Variants in LARP1 observed in about 807,000 individuals in gnomAD.
LARP1 encodes la-related protein 1.
LARP1 carries 36 observed loss-of-function variants against 122.7 expected under a neutral mutation model. That is an observed-to-expected ratio of 0.29 (90% CI 0.22 to 0.39). LARP1 has a LOEUF of 0.39. Among genes scored for constraint, LARP1 ranks in the 10% least tolerant of loss-of-function variants. The pLI is 1.00. For synonymous variants in LARP1, 539 were observed against 528.7 expected (o/e 1.02, Z -0.27); for missense variants, 1,040 against 1,403.6 (o/e 0.74, Z 4.14).
At chr5:154,779,189 G>A (rs1446714623) in intron 1 of LARP1, among the ~76,000 whole-genome samples, 4 of 152,050 alleles carry the variant, frequency 2.6e-5, no homozygotes, top group East Asian at 1.9e-4. Context: ...GAGAGGTTAA[G>A]TCTGACTCCT....
At chr5:154,756,275 C>G in intron 1 of LARP1, 82 bp downstream of exon 1, 1 of 1,037,644 alleles carries the variant, frequency 9.6e-7, no homozygotes, top group Non-Finnish European at 1.2e-6. Flanking sequence ...CCTCCAGGGC[C>G]CCGGGGTCTG....
intron 1 of LARP1, among the ~76,000 whole-genome samples, chr5:154,722,222 C>T (rs745372402): frequency 1.1e-4 from 17 of 152,176 alleles, no homozygotes; most frequent in East Asian, 1.9e-4. Flanking sequence ...TCAGCTTCCC[C>T]GCCCTCTCCC....
chr5:154,747,638 G>A (rs1194363076), intron 1 of LARP1, among the ~76,000 whole-genome samples: 3 of 150,820 alleles, frequency 2.0e-5, no homozygotes, highest in East Asian at 2.0e-4. Context: ...CGGAGGTTGC[G>A]GCAGTGAGCC....
chr5:154,723,453 G>T (rs1391699301), intron 1 of LARP1, among the ~76,000 whole-genome samples: 1 of 152,142 alleles, frequency 6.6e-6, no homozygotes, highest in East Asian at 1.9e-4. Context: ...GGACTGGGAT[G>T]GGGAAAGTTG....
intron 1 of LARP1, among the ~76,000 whole-genome samples, chr5:154,747,791 G>A (rs1753277814): frequency 6.6e-6 from 1 of 152,186 alleles, no homozygotes; most frequent in Non-Finnish European, 1.5e-5. Flanking sequence ...TTGAACCAGG[G>A]AGGCGGAGAC....
intron 1 of LARP1, among the ~76,000 whole-genome samples, chr5:154,777,617 T>G (rs1244360901): frequency 6.6e-6 from 1 of 152,182 alleles, no homozygotes; most frequent in Non-Finnish European, 1.5e-5. Context: ...CTTAAAATAT[T>G]TTTAAAGATT....
chr5:154,789,312 C>CG (rs1212510036), intron 1 of LARP1, among the ~76,000 whole-genome samples: 1 of 150,536 alleles, frequency 6.6e-6, no homozygotes, highest in East Asian at 2.0e-4. Flanking sequence ...CCCCGCCTCC[C>CG]GGGTTCAAGT....
chr5:154,690,771 G>C (rs1283634933), intron 1 of LARP1, among the ~76,000 whole-genome samples: 4 of 152,250 alleles, frequency 2.6e-5, no homozygotes, highest in Admixed American at 1.3e-4. Flanking sequence ...CGGGCGGGGG[G>C]GCTGTGCGAC....
chr5:154,745,881 C>G (rs181866710), intron 1 of LARP1, among the ~76,000 whole-genome samples: 1 of 152,070 alleles, frequency 6.6e-6, no homozygotes, highest in East Asian at 1.9e-4. Flanking sequence ...CTGCAACCTC[C>G]GAATCCCTGG....
At chr5:154,695,235 C>G (rs1383768011) in intron 1 of LARP1, among the ~76,000 whole-genome samples, 4 of 151,426 alleles carry the variant, frequency 2.6e-5, no homozygotes, top group African/African-American at 9.7e-5. Flanking sequence ...TGGCGTGAAC[C>G]TGGGAGGCGG....
intron 1 of LARP1, among the ~76,000 whole-genome samples, chr5:154,762,759 CCA>C (rs1754564494): frequency 1.3e-5 from 2 of 152,192 alleles, no homozygotes; most frequent in Admixed American, 1.3e-4. Flanking sequence ...CTAGTGGTAA[CCA>C]CCTTACTCTC....
chr5:154,740,757 G>A (rs935794265), intron 1 of LARP1, among the ~76,000 whole-genome samples: 1 of 152,216 alleles, frequency 6.6e-6, no homozygotes, highest in Non-Finnish European at 1.5e-5. Context: ...AAGGCACTGA[G>A]GGCCCCTATT....
At chr5:154,772,878 G>T (rs981342154) in intron 1 of LARP1, among the ~76,000 whole-genome samples, 3 of 151,748 alleles carry the variant, frequency 2.0e-5, no homozygotes, top group Non-Finnish European at 4.4e-5. Context: ...GTAGAGACGG[G>T]GTTTTTCCGT....
chr5:154,712,788 A>G (rs1755280873), upstream of LARP1: 1 of 714,230 alleles, frequency 1.4e-6, no homozygotes, highest in Non-Finnish European at 2.4e-6. Context: ...TCGCTCTCTT[A>G]AAGGCACCCA....
intron 1 of LARP1, among the ~76,000 whole-genome samples, chr5:154,705,031 T>C (rs1305876151): frequency 2.7e-5 from 4 of 149,008 alleles, no homozygotes; most frequent in African/African-American, 1.0e-4. Context: ...GGAAGGAGAA[T>C]TATGTGAACC....
chr5:154,755,993 T>C lies in LARP1; in HGVS notation c.236T>C (p.Leu79Pro). ...CAGGAGCGCGAGAGCCCGCGGCCGC[T>C]GCAGCTGCCCGGCGCCGAAGGCCCG... ...GQQERESPRP[L>P]QLPGAEGPAI... is the part of the protein sequence containing the mutation. Residue 79 changes from leucine to proline, a missense_variant, in exon 1 of 19, where the codon CTG becomes CCG. This residue lies in a region of LARP1 where 257 missense variants were observed against 273.3 expected (regional missense o/e 0.94). Coordinates refer to ENST00000518297, the MANE Select transcript of LARP1 (RefSeq NM_033551.3). 4.0e-6 allele frequency: 4 copies of C among 1,008,956 alleles called. No homozygotes were observed. In the South Asian group the frequency reaches 1.6e-4, roughly 41 times the overall value. The allele number at this position is 1,008,956 out of a possible 1,614,324, so 62.5% of individuals were successfully genotyped here. A position where few individuals can be genotyped will look rare whatever the true frequency, so the allele number is the denominator to read the frequency against.
At chr5:154,694,638 G>A (rs1179346188) in intron 1 of LARP1, among the ~76,000 whole-genome samples, 1 of 152,134 alleles carries the variant, frequency 6.6e-6, no homozygotes, top group African/African-American at 2.4e-5. Flanking sequence ...CTAATTTTGT[G>A]AGACGTGTTA....
At chr5:154,717,664 T>A (rs1217008724) in intron 1 of LARP1, among the ~76,000 whole-genome samples, 1 of 152,172 alleles carries the variant, frequency 6.6e-6, no homozygotes, top group Non-Finnish European at 1.5e-5. Flanking sequence ...CCTGGTGATA[T>A]CAGTACTGGT....
chr5:154,729,521 T>C (rs1756429830), intron 1 of LARP1: 1 of 421,844 alleles, frequency 2.4e-6, no homozygotes, highest in Non-Finnish European at 4.6e-6. Context: ...TTCTAAGAGC[T>C]GACATAGCTT....
Sources: gnomAD v4.1 joint callset for allele counts (sites outside exome capture counted in the v4.1 genomes callset) on GRCh38, gnomAD v4.1.1 for gene constraint, gnomAD v4.1.1 regional missense constraint, MANE v1.5 for transcripts, NCBI Gene and HGNC (gene_info 2026-07-23, HGNC 2026-07-21) for gene names.